Variants in TENM3 observed in about 807,000 individuals in gnomAD.
TENM3 encodes the protein teneurin transmembrane protein 3.
A neutral mutation model predicts 255.1 loss-of-function variants in TENM3; 63 were observed. The observed-to-expected ratio is 0.25, with a 90% CI of 0.20 to 0.30. The LOEUF (loss-of-function observed/expected upper bound fraction) is 0.30, where lower values mean the gene tolerates loss of function less well. Ranked by LOEUF, TENM3 falls within the 10% of genes least tolerant of loss-of-function variation. The probability of loss-of-function intolerance (pLI) is 1.00; values close to 1 mark genes in which losing one functional copy is unlikely to be tolerated. For missense variants in TENM3, 2,929 were observed against 3,461.1 expected (o/e 0.85, Z 3.86); for synonymous variants, 1,306 against 1,322.3 (o/e 0.99, Z 0.27).
At chr4:181,811,955 C>T in the TENM3 span, among the ~76,000 whole-genome samples, 541 of 152,306 alleles carry the variant, frequency 3.6e-3, 7 homozygotes, top group African/African-American at 0.011. Context: ...TGTGATTAAA[C>T]GCAAATATTT....
chr4:182,573,766 A>T (rs75496048), intron 3 of TENM3, among the ~76,000 whole-genome samples: 81,191 of 151,570 alleles, frequency 0.54, 23,387 homozygotes, highest in Non-Finnish European at 0.64. Flanking sequence ...AGAAAGGAGA[A>T]CTATAGTTCT....
At chr4:181,932,365 A>G in the TENM3 span, among the ~76,000 whole-genome samples, 1 of 152,202 alleles carries the variant, frequency 6.6e-6, no homozygotes, top group Non-Finnish European at 1.5e-5. Flanking sequence ...AATATGAACA[A>G]CACTTCTCAA....
intron 1 of TENM3, among the ~76,000 whole-genome samples, chr4:182,267,641 C>G (rs757168905): frequency 2.6e-5 from 4 of 151,408 alleles, no homozygotes; most frequent in Non-Finnish European, 5.9e-5. Context: ...TGTGCAAACC[C>G]ATGACTGGGC....
At chr4:181,501,957 C>G in the TENM3 span, among the ~76,000 whole-genome samples, 1 of 152,136 alleles carries the variant, frequency 6.6e-6, no homozygotes, top group Admixed American at 6.5e-5. Flanking sequence ...GGAGGTCCAG[C>G]CCAGGACACT....
the TENM3 span, among the ~76,000 whole-genome samples, chr4:181,811,956 G>A: frequency 1.7e-3 from 255 of 152,260 alleles, no homozygotes; most frequent in Middle Eastern, 6.8e-3. Flanking sequence ...GTGATTAAAC[G>A]CAAATATTTA....
At chr4:181,755,006 G>A in the TENM3 span, among the ~76,000 whole-genome samples, 200 of 152,260 alleles carry the variant, frequency 1.3e-3, 1 homozygote, top group African/African-American at 4.6e-3. Flanking sequence ...ATGAGGGTTT[G>A]CTGGTTGCCA....
At chr4:182,163,892 C>T (rs552981653) in intron 1 of TENM3, among the ~76,000 whole-genome samples, 1 of 152,174 alleles carries the variant, frequency 6.6e-6, no homozygotes, top group East Asian at 1.9e-4. Context: ...GCCCTTAGAC[C>T]CTCTGCCTTC....
the TENM3 span, among the ~76,000 whole-genome samples, chr4:181,573,796 A>G: frequency 6.6e-6 from 1 of 152,216 alleles, no homozygotes; most frequent in Non-Finnish European, 1.5e-5. Context: ...ACAAAAACAG[A>G]TAAGCATTAA....
At chr4:182,355,021 C>G (rs558705323) in intron 3 of TENM3, among the ~76,000 whole-genome samples, 112 of 152,206 alleles carry the variant, frequency 7.4e-4, no homozygotes, top group African/African-American at 2.6e-3. Flanking sequence ...TTGGGCAAAC[C>G]GGCAAGTAGG....
intron 22 of TENM3, among the ~76,000 whole-genome samples, chr4:182,771,445 G>A (rs937644623): frequency 1.4e-5 from 2 of 147,678 alleles, no homozygotes; most frequent in South Asian, 2.3e-4. Context: ...GATAGCGTGA[G>A]AGCCAGATCA....
intron 22 of TENM3, among the ~76,000 whole-genome samples, chr4:182,763,899 G>T (rs556431413): frequency 4.6e-5 from 7 of 152,164 alleles, no homozygotes; most frequent in African/African-American, 1.4e-4. Flanking sequence ...TGTTCATATC[G>T]GTGTATCCAT....
At chr4:181,995,330 G>A in the TENM3 span, among the ~76,000 whole-genome samples, 5 of 151,950 alleles carry the variant, frequency 3.3e-5, no homozygotes, top group Non-Finnish European at 7.4e-5. Flanking sequence ...ACAATACAGT[G>A]AATTACATCT....
intron 3 of TENM3, among the ~76,000 whole-genome samples, chr4:182,539,355 A>G (rs1210726082): frequency 6.6e-6 from 1 of 152,066 alleles, no homozygotes; most frequent in African/African-American, 2.4e-5. Context: ...CTGATGAGCT[A>G]GCAGTGACTT....
At chr4:181,901,455 A>G in the TENM3 span, among the ~76,000 whole-genome samples, 1 of 152,346 alleles carries the variant, frequency 6.6e-6, no homozygotes, top group African/African-American at 2.4e-5. Flanking sequence ...CGAAAGGAAA[A>G]GGCATCAGTG....
the TENM3 span, among the ~76,000 whole-genome samples, chr4:181,648,773 C>A: frequency 1.3e-5 from 2 of 152,130 alleles, no homozygotes; most frequent in Non-Finnish European, 2.9e-5. Flanking sequence ...GTGCCCATCC[C>A]AAATAACCTC....
At chr4:181,668,169 G>A in the TENM3 span, among the ~76,000 whole-genome samples, 1 of 152,182 alleles carries the variant, frequency 6.6e-6, no homozygotes, top group Non-Finnish European at 1.5e-5. Flanking sequence ...GAATATGAAT[G>A]TGAAGAAGTA....
intron 1 of TENM3, among the ~76,000 whole-genome samples, chr4:182,193,898 A>T (rs1561184931): frequency 6.6e-6 from 1 of 152,234 alleles, no homozygotes. Context: ...CATAAATAGA[A>T]ATGTATTTCA....
At chr4:182,254,598 A>C (rs1758252934) in intron 1 of TENM3, among the ~76,000 whole-genome samples, 1 of 152,164 alleles carries the variant, frequency 6.6e-6, no homozygotes, top group South Asian at 2.1e-4. Flanking sequence ...TATTTAGGTA[A>C]ATGTTACACT....
chr4:182,029,892 C>T, the TENM3 span, among the ~76,000 whole-genome samples: 54 of 143,384 alleles, frequency 3.8e-4, no homozygotes, highest in Admixed American at 1.3e-3. Flanking sequence ...CAACTGCTAA[C>T]ATTCTTTATA....
Sources: gnomAD v4.1 joint callset for allele counts (sites outside exome capture counted in the v4.1 genomes callset) on GRCh38, gnomAD v4.1.1 for gene constraint, MANE v1.5 for transcripts, NCBI Gene and HGNC (gene_info 2026-07-23, HGNC 2026-07-21) for gene names.